Variants in LHFPL6 observed in about 807,000 individuals in gnomAD.
LHFPL6 encodes LHFPL tetraspan subfamily member 6 protein.
A neutral mutation model predicts 20.6 loss-of-function variants in LHFPL6; 9 were observed. The observed-to-expected ratio is 0.44, with a 90% CI of 0.26 to 0.76. The LOEUF (loss-of-function observed/expected upper bound fraction) is 0.76. Among genes scored for constraint, LHFPL6 ranks in the 30% least tolerant of loss-of-function variants. The pLI is 0.20. For synonymous variants in LHFPL6, 105 were observed against 98.7 expected, an observed-to-expected ratio of 1.06 and a Z score of -0.38; for missense variants, 218 against 253.5, an observed-to-expected ratio of 0.86 and a Z score of 0.95.
chr13:39,401,325 G>GTC (rs1226406083), intron 2 of LHFPL6, among the ~76,000 whole-genome samples: 4 of 152,176 alleles, frequency 2.6e-5, no homozygotes, highest in African/African-American at 9.6e-5. Flanking sequence ...CTCCCTCTCT[G>GTC]TCTCTCTCCT....
At chr13:39,595,474 G>A (rs1234760100) in intron 2 of LHFPL6, among the ~76,000 whole-genome samples, 1 of 152,184 alleles carries the variant, frequency 6.6e-6, no homozygotes, top group Non-Finnish European at 1.5e-5. Context: ...CGTATTTTTA[G>A]TGGAGCCAGG....
chr13:39,574,889 T>C (rs961429381), intron 2 of LHFPL6, among the ~76,000 whole-genome samples: 2 of 152,214 alleles, frequency 1.3e-5, no homozygotes, highest in Middle Eastern at 3.4e-3. Flanking sequence ...CTGGCCATCA[T>C]GGTGAAACCC....
At chr13:39,546,240 G>T (rs1013778661) in intron 2 of LHFPL6, among the ~76,000 whole-genome samples, 2 of 152,002 alleles carry the variant, frequency 1.3e-5, no homozygotes, top group Non-Finnish European at 2.9e-5. Context: ...CCTAACTCAC[G>T]CCATAGACCG....
At chr13:39,594,930 A>G (rs960008853) in intron 2 of LHFPL6, among the ~76,000 whole-genome samples, 1 of 152,116 alleles carries the variant, frequency 6.6e-6, no homozygotes, top group Non-Finnish European at 1.5e-5. Context: ...GAACACACGG[A>G]CACAGGAAGG....
At chr13:39,457,020 GAAC>G (rs937644187) in intron 2 of LHFPL6, among the ~76,000 whole-genome samples, 1 of 152,080 alleles carries the variant, frequency 6.6e-6, no homozygotes, top group Non-Finnish European at 1.5e-5. Context: ...GGCTGGTCTT[GAAC>G]TCTGGACCTC....
At chr13:39,589,344 A>T (rs1195910521) in intron 2 of LHFPL6, among the ~76,000 whole-genome samples, 1 of 152,126 alleles carries the variant, frequency 6.6e-6, no homozygotes, top group African/African-American at 2.4e-5. Flanking sequence ...TGACCTCACG[A>T]TCTGCCCACC....
At chr13:39,359,672 T>C (rs190217607) in intron 3 of LHFPL6, among the ~76,000 whole-genome samples, 1 of 152,230 alleles carries the variant, frequency 6.6e-6, no homozygotes, top group East Asian at 1.9e-4. Flanking sequence ...ACCTATTGGG[T>C]GCTATGCTCA....
chr13:39,419,344 T>C (rs1475784736), intron 2 of LHFPL6, among the ~76,000 whole-genome samples: 1 of 152,246 alleles, frequency 6.6e-6, no homozygotes, highest in Non-Finnish European at 1.5e-5. Context: ...GTGATCACAG[T>C]GCTCTAAAGT....
intron 2 of LHFPL6, among the ~76,000 whole-genome samples, chr13:39,455,088 T>C (rs1204809470): frequency 6.6e-6 from 1 of 152,116 alleles, no homozygotes; most frequent in Non-Finnish European, 1.5e-5. Context: ...TAAATCTGCT[T>C]GTACATGGGT....
intron 3 of LHFPL6, among the ~76,000 whole-genome samples, chr13:39,347,227 C>T (rs1482428659): frequency 6.6e-6 from 1 of 152,140 alleles, no homozygotes; most frequent in Non-Finnish European, 1.5e-5. Flanking sequence ...ACACTGACCA[C>T]TTTTTCTGGA....
intron 2 of LHFPL6, among the ~76,000 whole-genome samples, chr13:39,445,189 C>T (rs1399729366): frequency 6.6e-6 from 1 of 152,178 alleles, no homozygotes; most frequent in African/African-American, 2.4e-5. Flanking sequence ...GCCCAGTAAA[C>T]TTCTATTGTT....
intron 2 of LHFPL6, among the ~76,000 whole-genome samples, chr13:39,582,179 G>A (rs1025314585): frequency 3.9e-5 from 6 of 152,132 alleles, no homozygotes; most frequent in Non-Finnish European, 8.8e-5. Context: ...ATTCTACGAG[G>A]CTCATGGACT....
intron 2 of LHFPL6, among the ~76,000 whole-genome samples, chr13:39,426,486 C>A (rs547889345): frequency 6.6e-6 from 1 of 152,078 alleles, no homozygotes; most frequent in East Asian, 1.9e-4. Flanking sequence ...TTCCAAAGTG[C>A]GGGGATTAAA....
At chr13:39,490,587 C>T (rs573802623) in intron 2 of LHFPL6, among the ~76,000 whole-genome samples, 1 of 152,312 alleles carries the variant, frequency 6.6e-6, no homozygotes, top group East Asian at 1.9e-4. Context: ...TCAGTAGCTA[C>T]TAATGCTACA....
chr13:39,415,975 C>A (rs1017975278), intron 2 of LHFPL6, among the ~76,000 whole-genome samples: 7 of 104,352 alleles, frequency 6.7e-5, no homozygotes, highest in African/African-American at 2.3e-4. Flanking sequence ...GACATCACCC[C>A]TAGATTCTCT....
chr13:39,549,080 T>G (rs966505970), intron 2 of LHFPL6, among the ~76,000 whole-genome samples: 1 of 152,212 alleles, frequency 6.6e-6, no homozygotes, highest in Admixed American at 6.5e-5. Flanking sequence ...AACAACCCTA[T>G]TACAAAATGA....
intron 3 of LHFPL6, among the ~76,000 whole-genome samples, chr13:39,355,005 T>G (rs1869687648): frequency 6.7e-6 from 1 of 149,838 alleles, no homozygotes; most frequent in Non-Finnish European, 1.5e-5. Context: ...TCTATGAAAA[T>G]TTCCACAATC....
At chr13:39,426,317 T>G (rs1871636475) in intron 2 of LHFPL6, among the ~76,000 whole-genome samples, 1 of 150,968 alleles carries the variant, frequency 6.6e-6, no homozygotes, top group South Asian at 2.1e-4. Context: ...ACCTCCCGGG[T>G]TCAAGCGATT....
chr13:39,562,196 C>G (rs1871504860), intron 2 of LHFPL6, among the ~76,000 whole-genome samples: 2 of 152,044 alleles, frequency 1.3e-5, no homozygotes, highest in East Asian at 3.9e-4. Flanking sequence ...GAATATCTAT[C>G]CAGCATGAAT....
Sources: gnomAD v4.1 joint callset for allele counts (sites outside exome capture counted in the v4.1 genomes callset) on GRCh38, gnomAD v4.1.1 for gene constraint, MANE v1.5 for transcripts, NCBI Gene and HGNC (gene_info 2026-07-23, HGNC 2026-07-21) for gene names.